Variants in TESK2 observed in about 807,000 individuals in gnomAD.
TESK2 encodes testis associated actin remodelling kinase 2.
Under a neutral mutation model 57.1 loss-of-function variants are expected in TESK2, and 39 were observed. That is an observed-to-expected ratio of 0.68 (90% confidence interval 0.53 to 0.89). The LOEUF is 0.89. Ranked by LOEUF, TESK2 falls within the 40% of genes least tolerant of loss-of-function variation. The probability of loss-of-function intolerance (pLI) is 0.00; values close to 1 mark genes in which losing one functional copy is unlikely to be tolerated. For missense variants in TESK2, 646 were observed against 732.1 expected (o/e 0.88, Z 1.36); for synonymous variants, 249 against 267.9 (o/e 0.93, Z 0.69).
rs1426037915 is a variant in TESK2, at chr1:45,390,431, T to G, written c.345-4471A>C. On this transcript the variant is annotated intron_variant, in intron 3 of 10. Coordinates refer to ENST00000372086, the MANE Select transcript of TESK2 (RefSeq NM_007170.3). Reference sequence around the variant, plus strand: ...GTGAGCCAAGATCACGCCACTGCACTCCAGCCTGGGCAACAGAGCGAGACT... The same window carrying G: ...GTGAGCCAAGATCACGCCACTGCACGCCAGCCTGGGCAACAGAGCGAGACT... 3.9e-5 allele frequency among the ~76,000 whole-genome samples: 6 copies of G among 151,994 alleles called. No individual in the cohort carries two copies. In the East Asian group the frequency reaches 1.2e-3, roughly 29 times the overall value.
chr1:45,393,241 G>A (rs1210667860), intron 3 of TESK2, among the ~76,000 whole-genome samples: 1 of 152,070 alleles, frequency 6.6e-6, no homozygotes, highest in African/African-American at 2.4e-5. Flanking sequence ...GCACATCCAG[G>A]CAGGCACTGG....
intron 7 of TESK2, 115 bp from the exon 8 acceptor site, chr1:45,347,177 T>G: frequency 1.2e-6 from 1 of 804,478 alleles, no homozygotes; most frequent in Non-Finnish European, 2.0e-6. Context: ...TGGGCCATAT[T>G]GCCCATACTT....
intron 3 of TESK2, among the ~76,000 whole-genome samples, chr1:45,389,020 G>A (rs937235476): frequency 2.0e-5 from 3 of 152,018 alleles, no homozygotes; most frequent in African/African-American, 7.2e-5. Flanking sequence ...GCGCCCGGCC[G>A]AGAGGTATGG....
intron 2 of TESK2, among the ~76,000 whole-genome samples, chr1:45,427,060 T>TGGTAAAACCCCGTCTCCACTAAAA (rs1553152763): frequency 6.6e-6 from 1 of 151,940 alleles, no homozygotes; most frequent in Non-Finnish European, 1.5e-5. Context: ...CTGGCCAACA[T>TGGTAAAACCCCGTCTCCACTAAAA]GGTAAAACCC....
intron 1 of TESK2, among the ~76,000 whole-genome samples, chr1:45,490,274 G>A (rs1314652702): frequency 6.6e-6 from 1 of 152,130 alleles, no homozygotes; most frequent in African/African-American, 2.4e-5. Flanking sequence ...CCTGGATTTC[G>A]CTTGTAGCGA....
chr1:45,478,650 C>T (rs1380697828), intron 1 of TESK2, among the ~76,000 whole-genome samples: 5 of 151,956 alleles, frequency 3.3e-5, no homozygotes, highest in Non-Finnish European at 5.9e-5. Flanking sequence ...GAGATGGTGA[C>T]GACAATATAG....
rs547765053 is a variant in TESK2 at position 45,356,105 on chromosome 1, G to A, written c.394-656C>T. On this transcript the variant is annotated intron_variant, in intron 4 of 10. Transcript: ENST00000372086. ...AAAATACAGAGAAAGGGAAATAGGA[G>A]ATTACTGCAATAATCCTGGTGAGAG... Among the ~76,000 whole-genome samples the A allele has an allele frequency of 7.9e-5, 12 of 152,080 alleles. No homozygotes were observed. The South Asian group carries it at 2.5e-3, about 32-fold the overall frequency.
intron 2 of TESK2, among the ~76,000 whole-genome samples, chr1:45,440,456 G>C (rs149066109): frequency 6.6e-6 from 1 of 152,006 alleles, no homozygotes; most frequent in Non-Finnish European, 1.5e-5. Flanking sequence ...GCTCATGCCC[G>C]TAATCCCAGC....
Position 45,369,715 on chromosome 1 carries a change from T to A in TESK2, c.394-14266A>T, listed in dbSNP as rs118083851. On this transcript the variant is annotated intron_variant, in intron 4 of 10. Coordinates refer to ENST00000372086, the MANE Select transcript of TESK2 (RefSeq NM_007170.3). ...CAGGTCTTGAAGGTAAGATAATTTT[T>A]CTTTTTTTTTTTTTGAGATGGAGTC... is the stretch of plus-strand genomic sequence containing the variant. Among the ~76,000 whole-genome samples the A allele has an allele frequency of 3.8e-3, 573 of 151,518 alleles. 16 individuals carry two copies. The East Asian group carries it at 0.091, about 24-fold the overall frequency.
intron 10 of TESK2, 98 bp downstream of exon 10, chr1:45,345,779 A>C: frequency 9.3e-7 from 1 of 1,072,136 alleles, no homozygotes; most frequent in Non-Finnish European, 1.4e-6. Context: ...TTGTTTCTGG[A>C]CCTGGGATCC....
intron 3 of TESK2, chr1:45,398,986 A>G (rs1649474154): frequency 3.4e-6 from 1 of 295,802 alleles, no homozygotes; most frequent in African/African-American, 3.7e-5. Context: ...AGGACCTGAA[A>G]AAAAAAAAAA....
rs1651517205 is a variant in TESK2, at chr1:45,443,332, A to G, written c.222+14232T>C. 2.0e-5 allele frequency among the ~76,000 whole-genome samples: 3 copies of G among 152,074 alleles called. No individual in the cohort carries two copies. The South Asian group carries it at 6.2e-4, about 32-fold the overall frequency. ...GTAATCCCAACACTTTGGGAGACCA[A>G]GGCAGGAGGATCGCTTGAGGTCAAG... On this transcript the variant is annotated intron_variant, in intron 2 of 10. Coordinates refer to ENST00000372086, the MANE Select transcript of TESK2 (RefSeq NM_007170.3).
At chr1:45,350,081 G>A (rs1256485954) in intron 5 of TESK2, among the ~76,000 whole-genome samples, 1 of 152,182 alleles carries the variant, frequency 6.6e-6, no homozygotes, top group South Asian at 2.1e-4. Flanking sequence ...GGCAGAGGTT[G>A]CAGTGAGCCA....
At chr1:45,465,095 G>T (rs1382748515) in intron 1 of TESK2, among the ~76,000 whole-genome samples, 1 of 152,054 alleles carries the variant, frequency 6.6e-6, no homozygotes, top group Non-Finnish European at 1.5e-5. Context: ...AACTTAGCCA[G>T]CATGGTGACA....
intron 3 of TESK2, among the ~76,000 whole-genome samples, chr1:45,414,173 T>C (rs1650145328): frequency 6.6e-6 from 1 of 152,238 alleles, no homozygotes; most frequent in Non-Finnish European, 1.5e-5. Context: ...TTCCTTTTGT[T>C]GTCTTCAAAA....
At position 45,344,782 on chromosome 1, in the gene TESK2, G is replaced by T; in HGVS notation, c.*58C>A. 1 of 1,469,512 alleles carries T rather than the reference G, an allele frequency of 6.8e-7. No individual in the cohort carries two copies. The highest frequency in any genetic ancestry group is 9.3e-7 in the Non-Finnish European group (1 of 1,071,690). 91.0% of individuals were successfully genotyped at this position (1,469,512 alleles called of 1,614,324 possible). A position where few individuals can be genotyped will look rare whatever the true frequency, so the allele number is the denominator to read the frequency against. ...GAAGAATCAAGGCTGTGCACCTAGGGGGCCATATGGTTTCAGCTGAAGGTC... is the reference window on the plus strand; with the variant it reads ...GAAGAATCAAGGCTGTGCACCTAGGTGGCCATATGGTTTCAGCTGAAGGTC... On this transcript the variant is annotated 3_prime_UTR_variant, in exon 11 of 11. Transcript: ENST00000372086.
chr1:45,363,051 G>T (rs1647757679), intron 4 of TESK2, among the ~76,000 whole-genome samples: 1 of 152,150 alleles, frequency 6.6e-6, no homozygotes, highest in African/African-American at 2.4e-5. Context: ...TGGAAAGGAG[G>T]TTATTATCTC....
At chr1:45,478,930 G>A (rs947304756) in intron 1 of TESK2, among the ~76,000 whole-genome samples, 1 of 152,002 alleles carries the variant, frequency 6.6e-6, no homozygotes, top group African/African-American at 2.4e-5. Context: ...CACCGTATTG[G>A]CCAGGCTGGT....
At chr1:45,364,346 G>A (rs1402366563) in intron 4 of TESK2, among the ~76,000 whole-genome samples, 3 of 152,126 alleles carry the variant, frequency 2.0e-5, no homozygotes, top group African/African-American at 7.2e-5. Flanking sequence ...AGGCACACAG[G>A]GAAAATGTCA....
Sources: allele counts gnomAD v4.1 joint callset (sites outside exome capture counted in the v4.1 genomes callset), GRCh38; gene constraint gnomAD v4.1.1; transcripts MANE v1.5; gene names NCBI Gene and HGNC (gene_info 2026-07-23, HGNC 2026-07-21).